Variants in ARHGAP10 observed in about 807,000 individuals in gnomAD.
ARHGAP10 encodes rho GTPase-activating protein 10.
Under a neutral mutation model 108.6 loss-of-function variants are expected in ARHGAP10, and 87 were observed. The observed-to-expected ratio is 0.80, with a 90% confidence interval of 0.67 to 0.96. ARHGAP10 has a LOEUF of 0.96. ARHGAP10 is among the 40% of genes least tolerant of loss of function. The pLI is 0.00. For missense variants in ARHGAP10, 939 were observed against 954.5 expected (o/e 0.98, Z 0.21); for synonymous variants, 347 against 341.1 (o/e 1.02, Z -0.19).
intron 13 of ARHGAP10, among the ~76,000 whole-genome samples, chr4:147,916,375 T>A (rs1395161657): frequency 6.6e-6 from 1 of 152,208 alleles, no homozygotes; most frequent in Non-Finnish European, 1.5e-5. Context: ...TTTTATGGCA[T>A]TTTTCTTAAG....
At chr4:147,804,183 T>G (rs904730541) in intron 1 of ARHGAP10, among the ~76,000 whole-genome samples, 3 of 152,090 alleles carry the variant, frequency 2.0e-5, no homozygotes, top group African/African-American at 7.2e-5. Context: ...GCCCCCCAGG[T>G]CTGTTGTTCC....
rs867659758 is a variant in ARHGAP10 at position 147,870,014 on chromosome 4, G to T, written c.702+3198G>T. On this transcript the variant is annotated intron_variant, in intron 7 of 22. Coordinates refer to ENST00000336498, the MANE Select transcript of ARHGAP10 (RefSeq NM_024605.4). ...AGTCCCAGTTTGTGTGTGTGTGTGTGTGTGTGTGTGTGTGTGTGTGTGTGT... is the reference window on the plus strand; with the variant it reads ...AGTCCCAGTTTGTGTGTGTGTGTGTTTGTGTGTGTGTGTGTGTGTGTGTGT... Among the ~76,000 whole-genome samples the T allele has an allele frequency of 3.4e-4, 51 of 150,116 alleles. 1 individual carries two copies. Among genetic ancestry groups the T allele is most frequent in the East Asian group, 2.2e-3 (11 of 5,074 alleles).
At chr4:147,990,408 C>G (rs1029324157) in intron 18 of ARHGAP10, among the ~76,000 whole-genome samples, 2 of 152,310 alleles carry the variant, frequency 1.3e-5, no homozygotes, top group Admixed American at 6.5e-5. Context: ...CATGACAGTT[C>G]TAGTTCTGCT....
intron 1 of ARHGAP10, among the ~76,000 whole-genome samples, chr4:147,806,955 T>A (rs1257911363): frequency 6.6e-6 from 1 of 152,206 alleles, no homozygotes; most frequent in East Asian, 1.9e-4. Flanking sequence ...CCATTGGTTT[T>A]CCAAGTCTCT....
intron 7 of ARHGAP10, 88 bp from the exon 8 acceptor site, chr4:147,874,933 A>T: frequency 7.7e-7 from 1 of 1,306,812 alleles, no homozygotes; most frequent in Non-Finnish European, 1.0e-6. Context: ...TAAAAAATGT[A>T]ATTACATTTA....
chr4:147,991,145 T>TAAAAAAAAAAAAAAA (rs575585774), intron 18 of ARHGAP10, among the ~76,000 whole-genome samples: 3 of 129,026 alleles, frequency 2.3e-5, no homozygotes, highest in African/African-American at 9.2e-5. Context: ...CCCCTGAACC[T>TAAAAAAAAAAAAAAA]AAAAAAAAAA....
chr4:147,823,217 A>G (rs1422430229), intron 3 of ARHGAP10, among the ~76,000 whole-genome samples: 1 of 152,174 alleles, frequency 6.6e-6, no homozygotes, highest in Non-Finnish European at 1.5e-5. Flanking sequence ...GGACTACATC[A>G]CTGCTTTCTA....
intron 1 of ARHGAP10, among the ~76,000 whole-genome samples, chr4:147,819,542 A>ATTTAT: frequency 6.6e-6 from 1 of 151,370 alleles, no homozygotes; most frequent in Admixed American, 6.6e-5. Flanking sequence ...TTTATTATTT[A>ATTTAT]TTTATTTTAT....
chr4:147,850,663 A>G (rs1188811330), intron 4 of ARHGAP10, among the ~76,000 whole-genome samples: 1 of 152,164 alleles, frequency 6.6e-6, no homozygotes, highest in African/African-American at 2.4e-5. Flanking sequence ...TAAGAACTGT[A>G]ACACTCACTG....
chr4:147,958,625 T>G (rs1046076771), intron 16 of ARHGAP10, among the ~76,000 whole-genome samples: 8 of 152,210 alleles, frequency 5.3e-5, no homozygotes, highest in African/African-American at 1.7e-4. Context: ...CCCTCTTAGC[T>G]TGATGTATTC....
chr4:147,907,382 G>A (rs984610891), intron 11 of ARHGAP10, among the ~76,000 whole-genome samples: 1 of 152,086 alleles, frequency 6.6e-6, no homozygotes, highest in African/African-American at 2.4e-5. Flanking sequence ...TGTAGAAAAC[G>A]CCACAGAACC....
intron 7 of ARHGAP10, 30 bp from the exon 8 acceptor site, chr4:147,874,991 C>A: frequency 6.5e-7 from 1 of 1,540,788 alleles, no homozygotes; most frequent in Non-Finnish European, 8.7e-7. Flanking sequence ...GAGAACTTAA[C>A]ATTTATGTGT....
intron 1 of ARHGAP10, among the ~76,000 whole-genome samples, chr4:147,766,587 T>C (rs1171448930): frequency 1.4e-5 from 2 of 144,506 alleles, no homozygotes; most frequent in South Asian, 5.0e-4. Flanking sequence ...TATATACACA[T>C]ACATATATGT....
chr4:147,887,110 C>T lies in ARHGAP10; in HGVS notation c.1034+5178C>T, dbSNP rs540818903. On this transcript the variant is annotated intron_variant, in intron 10 of 22. Coordinates refer to ENST00000336498, the MANE Select transcript of ARHGAP10 (RefSeq NM_024605.4). The stretch of plus-strand genomic sequence containing the variant: ...CTCCCAGTTGAATATTTTATATTTT[C>T]CTCTCTCTCTTAAGCTCTGACACTG... 2.0e-5 allele frequency among the ~76,000 whole-genome samples: 3 copies of T among 152,186 alleles called. No homozygotes were observed. The South Asian group carries it at 6.2e-4, about 32-fold the overall frequency.
At chr4:147,859,962 A>AG (rs913857779) in intron 5 of ARHGAP10, among the ~76,000 whole-genome samples, 18 of 152,190 alleles carry the variant, frequency 1.2e-4, no homozygotes, top group African/African-American at 4.1e-4. Flanking sequence ...AGCCCTTAAT[A>AG]GGGGGGATGC....
At chr4:147,867,961 A>C (rs2126849821) in intron 7 of ARHGAP10, among the ~76,000 whole-genome samples, 1 of 147,154 alleles carries the variant, frequency 6.8e-6, no homozygotes, top group South Asian at 2.2e-4. Context: ...CCTTATACTA[A>C]GGAGTGTAGC....
Position 147,803,994 on chromosome 4 carries a change from G to GT in ARHGAP10, c.155-18717dup, listed in dbSNP as rs1189718865. Among the ~76,000 whole-genome samples the GT allele has an allele frequency of 8.3e-3, 1,096 of 132,772 alleles. 6 individuals carry two copies. Among genetic ancestry groups the GT allele is most frequent in the African/African-American group, 0.014 (505 of 36,792 alleles). 87.1% of individuals were successfully genotyped at this position (132,772 alleles called of 152,430 possible). ...GGATCATATGGTAGTTGTATTTTTA[G>GT]TTTTTTTTTTTTTTTTCTTTCAGGT... On this transcript the variant is annotated intron_variant, in intron 1 of 22. Transcript: ENST00000336498.
intron 10 of ARHGAP10, among the ~76,000 whole-genome samples, chr4:147,882,983 A>G (rs1284161354): frequency 6.6e-6 from 1 of 152,212 alleles, no homozygotes; most frequent in African/African-American, 2.4e-5. Flanking sequence ...TGTTAAAGCA[A>G]AAGTTCAGGT....
rs528290065 is a variant in ARHGAP10 at position 147,883,921 on chromosome 4, C to T, written c.1034+1989C>T. Reference sequence around the variant, plus strand: ...TGTTGGCCAGGCTGGTCTTGAACTCCTGACCTCAAGGGATCCACCTGCCTT... The same window carrying T: ...TGTTGGCCAGGCTGGTCTTGAACTCTTGACCTCAAGGGATCCACCTGCCTT... On this transcript the variant is annotated intron_variant, in intron 10 of 22. Coordinates refer to ENST00000336498, the MANE Select transcript of ARHGAP10 (RefSeq NM_024605.4). Among the ~76,000 whole-genome samples, 3 of 152,268 alleles carry T rather than the reference C, an allele frequency of 2.0e-5. No individual in the cohort carries two copies. The South Asian group carries it at 6.2e-4, about 32-fold the overall frequency.
Sources: allele counts gnomAD v4.1 joint callset (sites outside exome capture counted in the v4.1 genomes callset), GRCh38; gene constraint gnomAD v4.1.1; transcripts MANE v1.5; gene names NCBI Gene and HGNC (gene_info 2026-07-23, HGNC 2026-07-21).